LAMC2: variants seen among roughly 807,000 people sequenced by gnomAD.
LAMC2 encodes the protein laminin subunit gamma 2.
Under a neutral mutation model 140.2 loss-of-function variants are expected in LAMC2, and 97 were observed. That is an observed-to-expected ratio of 0.69 (90% CI 0.59 to 0.82). LAMC2 has a LOEUF of 0.82. LAMC2 is among the 40% of genes least tolerant of loss of function. The pLI is 0.00. For synonymous variants in LAMC2, 513 were observed against 540.2 expected, an observed-to-expected ratio of 0.95 and a Z score of 0.70; for missense variants, 1,402 against 1,476.1, an observed-to-expected ratio of 0.95 and a Z score of 0.82.
At chr1:183,217,257 G>T (rs774973829) in intron 3 of LAMC2, among the ~76,000 whole-genome samples, 95 of 152,124 alleles carry the variant, frequency 6.2e-4, no homozygotes, top group Non-Finnish European at 1.2e-3. Flanking sequence ...ACATGATTGC[G>T]TGCAAAGTGG....
At chr1:183,240,727 G>T in intron 22 of LAMC2, 1 of 1,210,754 alleles carries the variant, frequency 8.3e-7, no homozygotes, top group Non-Finnish European at 1.0e-6. Context: ...AGAAGCCAGT[G>T]GACAGTTTTA....
intron 2 of LAMC2, among the ~76,000 whole-genome samples, chr1:183,214,275 G>C (rs1399288106): frequency 6.6e-6 from 1 of 152,188 alleles, no homozygotes; most frequent in Non-Finnish European, 1.5e-5. Context: ...GACATAAGGT[G>C]AGATCATCCT....
rs757186768 is a variant in LAMC2, at chr1:183,228,412, G to C, written c.1507G>C (p.Asp503His). Residue 503 changes from aspartate (D) to histidine (H), a missense_variant, in exon 11 of 23, where the codon GAC (aspartate) becomes CAC (histidine). Around this residue, in one of 3 missense-constraint regions of LAMC2, gnomAD observed 723 missense variants for 783.3 expected, o/e 0.92. Coordinates refer to ENST00000264144, the MANE Select transcript of LAMC2 (RefSeq NM_005562.3). The surrounding 1 kb of genome is among the most constrained non-coding windows in gnomAD (Gnocchi z 4.3). ...GCTCTGTGCTGATGGCTACTTTGGG[G>C]ACCCCTTTGGTGAACATGGCCCAGT... The part of the protein sequence containing the change: ...CELCADGYFG[D>H]PFGEHGPVRP... 6.2e-7 allele frequency: 1 copy of C among 1,614,058 alleles called. No individual in the cohort carries two copies. The highest frequency in any genetic ancestry group is 8.5e-7 in the Non-Finnish European group (1 of 1,180,024).
chr1:183,200,572 G>A (rs1056965506), intron 1 of LAMC2, among the ~76,000 whole-genome samples: 5 of 152,080 alleles, frequency 3.3e-5, no homozygotes, highest in Admixed American at 6.5e-5. Context: ...CTTGTCCTGC[G>A]TACAACCTGA....
Position 183,239,413 on chromosome 1 carries a change from G to A in LAMC2, c.2919G>A (p.Met973Ile). ...GAAAAGCAGAAGCTGAAGAAGCCAT[G>A]AAGAGACTCTCCTACATCAGCCAGA... ...DNRKAEAEEA[M>I]KRLSYISQKV... Residue 973 changes from methionine to isoleucine, a missense_variant, in exon 20 of 23, where the codon ATG becomes ATA. Physicochemically the swap from Met to Ile is conservative, Grantham distance 10. Coordinates refer to ENST00000264144, the MANE Select transcript of LAMC2 (RefSeq NM_005562.3). 6.2e-7 allele frequency: 1 copy of A among 1,614,050 alleles called. No individual in the cohort carries two copies. The highest frequency in any genetic ancestry group is 8.5e-7 in the Non-Finnish European group (1 of 1,179,892).
chr1:183,231,939 A>G (rs577888891), intron 12 of LAMC2, among the ~76,000 whole-genome samples: 109 of 152,288 alleles, frequency 7.2e-4, no homozygotes, highest in Non-Finnish European at 1.4e-3. Flanking sequence ...AGGAGACACT[A>G]TTCTTATTTT....
intron 1 of LAMC2, among the ~76,000 whole-genome samples, chr1:183,197,561 A>G (rs2102175886): frequency 6.6e-6 from 1 of 152,182 alleles, no homozygotes; most frequent in East Asian, 1.9e-4. Context: ...CTATAGTCCC[A>G]GCTACTTGGG....
rs1475860578 is a variant in LAMC2, at chr1:183,240,392, G to A, written c.3328+1G>A. 4 of 1,614,152 alleles carry A rather than the reference G, an allele frequency of 2.5e-6. No individual in the cohort carries two copies. The highest frequency in any genetic ancestry group is 3.4e-6 in the Non-Finnish European group (4 of 1,180,014). The stretch of plus-strand genomic sequence containing the variant: ...TTAGACGGCCTCCTGCATCTGATGG[G>A]TATGTGAACCCACAACCCACAACCT... On this transcript the variant is annotated splice_donor_variant, in intron 22 of 22. Coordinates refer to ENST00000264144, the MANE Select transcript of LAMC2 (RefSeq NM_005562.3). LOFTEE classifies it high-confidence loss of function.
chr1:183,198,723 C>T (rs552361), intron 1 of LAMC2, among the ~76,000 whole-genome samples: 49,584 of 152,114 alleles, frequency 0.33, 8,425 homozygotes, highest in East Asian at 0.41. Flanking sequence ...GCTCTGAGGC[C>T]TGCCTCATCG....
intron 1 of LAMC2, among the ~76,000 whole-genome samples, chr1:183,194,717 A>C (rs1658458320): frequency 6.6e-6 from 1 of 152,096 alleles, no homozygotes; most frequent in African/African-American, 2.4e-5. Flanking sequence ...GGAATCTCTG[A>C]TTCCCTTTAT....
chr1:183,215,946 T>G (rs1410962577), intron 3 of LAMC2, among the ~76,000 whole-genome samples: 1 of 152,224 alleles, frequency 6.6e-6, no homozygotes, highest in Non-Finnish European at 1.5e-5. Flanking sequence ...TCAAGTAACC[T>G]GGGACCCATT....
intron 22 of LAMC2, among the ~76,000 whole-genome samples, chr1:183,242,194 C>T (rs150948759): frequency 6.6e-6 from 1 of 152,264 alleles, no homozygotes; most frequent in Non-Finnish European, 1.5e-5. Flanking sequence ...TATTTTGTTC[C>T]CAAGCTTACT....
chr1:183,249,723 GTGTGTGTGTT>G (rs1660324486), downstream of LAMC2: 2 of 150,792 alleles, frequency 1.3e-5, no homozygotes, highest in South Asian at 2.2e-4. Context: ...GTGTGTGTGT[GTGTGTGTGTT>G]TGGGGGGTAG....
rs376687268 is a variant in LAMC2 at position 183,235,680 on chromosome 1, A to C, written c.2406A>C (p.Gly802=). 4 of 1,614,142 alleles carry C rather than the reference A, an allele frequency of 2.5e-6. No homozygotes were observed. The highest frequency in any genetic ancestry group is 2.7e-5 in the African/African-American group (2 of 74,950). ...GCAAGGCCCTGCATGAAGGAGTCGG[A>C]AGCGGAAGCGGTAGCCCGGACGGTG... ...LVRKALHEGV[G]SGSGSPDGAV... is the part of the protein sequence containing the mutation. Residue 802 remains glycine, a synonymous_variant, in exon 16 of 23, where the codon GGA becomes GGC. Transcript: ENST00000264144.
rs762369962 is a variant in LAMC2, at chr1:183,186,316, T to C, written c.-37T>C. 1.9e-6 allele frequency: 3 copies of C among 1,567,686 alleles called. No homozygotes were observed. The highest frequency in any genetic ancestry group is 1.3e-5 in the African/African-American group (1 of 74,532). ...AACCGAGGCGCCGGGCAGCGACCCC[T>C]GCAGCGGAGACAGAGACTGAGCGGC... On this transcript the variant is annotated 5_prime_UTR_variant, in exon 1 of 23. Transcript: ENST00000264144.
At chr1:183,252,634 G>C in the LAMC2 span, 3 of 1,604,144 alleles carry the variant, frequency 1.9e-6, no homozygotes, top group East Asian at 6.7e-5. Context: ...CGGAGGACGA[G>C]GGGCTGCTAG....
chr1:183,227,612 A>T lies in LAMC2; in HGVS notation c.1383A>T (p.Pro461=), dbSNP rs773111244. The change falls in exon 10 of 23, where the codon CCA becomes CCT. Residue 461 remains proline (P), a synonymous_variant. Transcript: ENST00000264144. ...CGCACGACCCCCGCAGCTGCAAGCC[A>T]TGTCCCTGTCATAACGGGTTCAGCT... ...NDPHDPRSCK[P]CPCHNGFSCS... The T allele has an allele frequency of 1.2e-6, 2 of 1,614,192 alleles. No individual in the cohort carries two copies. Among genetic ancestry groups the T allele is most frequent in the Non-Finnish European group, 1.7e-6 (2 of 1,180,048 alleles).
chr1:183,224,673 T>TACACAC (rs3064952), intron 7 of LAMC2, among the ~76,000 whole-genome samples: 2,123 of 147,980 alleles, frequency 0.014, 20 homozygotes, highest in Middle Eastern at 0.031. Flanking sequence ...GTTCTAATGA[T>TACACAC]ACACACACAC....
At chr1:183,226,091 T>G (rs1343148983) in intron 8 of LAMC2, among the ~76,000 whole-genome samples, 1 of 152,122 alleles carries the variant, frequency 6.6e-6, no homozygotes, top group Non-Finnish European at 1.5e-5. Flanking sequence ...CCTTTTGAGA[T>G]TATACTCCAT....
Sources: allele counts gnomAD v4.1 joint callset (sites outside exome capture counted in the v4.1 genomes callset), GRCh38; gene constraint gnomAD v4.1.1; regional missense constraint gnomAD v4.1.1; non-coding constraint Gnocchi (gnomAD v3.1); transcripts MANE v1.5; gene names NCBI Gene and HGNC (gene_info 2026-07-23, HGNC 2026-07-21).